The following RETREG1 variants were observed in gnomAD, a reference collection of about 807,000 sequenced individuals.
RETREG1 encodes reticulophagy regulator 1, also known as family with sequence similarity 134 member B.
A neutral mutation model predicts 54.8 loss-of-function variants in RETREG1; 44 were observed. The ratio of observed to expected loss-of-function variants is 0.80; its 90% CI spans 0.63 to 1.03. The LOEUF is 1.03. RETREG1 is among the 50% of genes least tolerant of loss of function. The pLI is 0.00. For missense variants in RETREG1, 554 were observed against 605.1 expected, an observed-to-expected ratio of 0.92 and a Z score of 0.89; for synonymous variants, 217 against 238.5, an observed-to-expected ratio of 0.91 and a Z score of 0.83.
intron 3 of RETREG1, among the ~76,000 whole-genome samples, chr5:16,505,936 T>C (rs1739935851): frequency 6.6e-6 from 1 of 152,234 alleles, no homozygotes; most frequent in South Asian, 2.1e-4. Flanking sequence ...CCCTCGTCTC[T>C]TGACCTTGGA....
At chr5:16,557,580 GA>G (rs1741743778) in intron 3 of RETREG1, among the ~76,000 whole-genome samples, 1 of 152,210 alleles carries the variant, frequency 6.6e-6, no homozygotes, top group Admixed American at 6.5e-5. Flanking sequence ...TTCGGAGAGA[GA>G]AAGAAAAGGG....
chr5:16,498,356 A>G (rs554903676), intron 3 of RETREG1, among the ~76,000 whole-genome samples: 49 of 152,346 alleles, frequency 3.2e-4, no homozygotes, highest in African/African-American at 1.2e-3. Context: ...ATTTTAACAC[A>G]ATGGTAAGTA....
At chr5:16,491,968 A>C (rs1449298742) in intron 3 of RETREG1, among the ~76,000 whole-genome samples, 1 of 152,142 alleles carries the variant, frequency 6.6e-6, no homozygotes, top group Admixed American at 6.5e-5. Context: ...GCAAAACTTG[A>C]GCCTTAATGT....
chr5:16,489,582 T>A (rs189186599), intron 3 of RETREG1, among the ~76,000 whole-genome samples: 83 of 152,378 alleles, frequency 5.4e-4, no homozygotes, highest in African/African-American at 2.0e-3. Flanking sequence ...AATCTTGGCA[T>A]AGAAGAAATA....
chr5:16,508,692 C>A (rs1740061599), intron 3 of RETREG1: 2 of 1,605,404 alleles, frequency 1.2e-6, no homozygotes, highest in Non-Finnish European at 8.5e-7. Context: ...ACAATAGTTT[C>A]TTTTCTACTC....
At chr5:16,595,974 T>C (rs1224619363) in intron 1 of RETREG1, among the ~76,000 whole-genome samples, 10 of 151,988 alleles carry the variant, frequency 6.6e-5, no homozygotes, top group African/African-American at 2.4e-4. Context: ...TTATTTTGCC[T>C]TCCTAAGTTT....
At chr5:16,576,286 TTC>T (rs1390311858) in intron 1 of RETREG1, among the ~76,000 whole-genome samples, 2 of 144,158 alleles carry the variant, frequency 1.4e-5, no homozygotes, top group Non-Finnish European at 3.0e-5. Flanking sequence ...ACAAGATTTT[TTC>T]TTTTTCTTTT....
intron 3 of RETREG1, among the ~76,000 whole-genome samples, chr5:16,542,454 T>C (rs895102423): frequency 6.6e-6 from 1 of 151,228 alleles, no homozygotes; most frequent in Non-Finnish European, 1.5e-5. Flanking sequence ...ATAGAACCTG[T>C]TTTCCTCCAA....
In RETREG1 at chr5:16,565,797, C is replaced by A; in HGVS notation, c.428-4G>T. 1 of 1,613,760 alleles carries A rather than the reference C, an allele frequency of 6.2e-7. No individual in the cohort carries two copies. Among genetic ancestry groups the A allele is most frequent in the Non-Finnish European group, 8.5e-7 (1 of 1,179,946 alleles). The stretch of plus-strand genomic sequence containing the variant: ...AGGCTTCTCCACAACTGTGCACCTG[C>A]AACAGGGAGAAGCAAAATGTGAAAC... On this transcript the variant is annotated splice_region_variant and splice_polypyrimidine_tract_variant and intron_variant, in intron 2 of 8. Transcript: ENST00000306320.
Position 16,594,340 on chromosome 5 carries a change from T to C in RETREG1, c.321-22238A>G, listed in dbSNP as rs1742845695. 6.6e-6 allele frequency among the ~76,000 whole-genome samples: 1 copy of C among 152,216 alleles called. No homozygotes were observed. Among genetic ancestry groups the C allele is most frequent in the African/African-American group, 2.4e-5 (1 of 41,448 alleles). ...ATTAGAATAGATTTTTAAATGTGAC[T>C]GAATGAAAATGAGCCAAACGTGAAA... On this transcript the variant is annotated intron_variant, in intron 1 of 8. Transcript: ENST00000306320. This position sits in a 1 kb window ranked among gnomAD's most constrained non-coding sequence, Gnocchi z 4.4.
chr5:16,544,151 CTT>C (rs1467703911), intron 3 of RETREG1, among the ~76,000 whole-genome samples: 3 of 151,638 alleles, frequency 2.0e-5, no homozygotes, highest in Admixed American at 6.6e-5. Context: ...AATTTTTGTA[CTT>C]TTAGTAGAGA....
chr5:16,495,232 C>G (rs775990811), intron 3 of RETREG1, among the ~76,000 whole-genome samples: 1 of 152,160 alleles, frequency 6.6e-6, no homozygotes, highest in Non-Finnish European at 1.5e-5. Context: ...AAAAGGAAAA[C>G]AGACCATAAA....
At chr5:16,604,430 T>C (rs1002638121) in intron 1 of RETREG1, among the ~76,000 whole-genome samples, 1 of 152,236 alleles carries the variant, frequency 6.6e-6, no homozygotes, top group African/African-American at 2.4e-5. Flanking sequence ...TCACTGCTAT[T>C]ATCAAGGATC....
intron 5 of RETREG1, among the ~76,000 whole-genome samples, chr5:16,479,650 C>A (rs1738685666): frequency 6.6e-6 from 1 of 152,032 alleles, no homozygotes; most frequent in Admixed American, 6.6e-5. Context: ...TGGATTTGAG[C>A]TCTGACCATT....
chr5:16,475,269 AC>A, intron 8 of RETREG1, 35 bp from the exon 9 acceptor site: 1 of 1,603,684 alleles, frequency 6.2e-7, no homozygotes, highest in Non-Finnish European at 8.5e-7. Flanking sequence ...AGACTGAAGC[AC>A]CATAACAAAT....
At chr5:16,562,696 A>G (rs967771413) in intron 3 of RETREG1, among the ~76,000 whole-genome samples, 1 of 152,238 alleles carries the variant, frequency 6.6e-6, no homozygotes, top group Non-Finnish European at 1.5e-5. Context: ...AATCATGAGA[A>G]AAACATCAGA....
chr5:16,545,814 T>C (rs956813522), intron 3 of RETREG1, among the ~76,000 whole-genome samples: 4 of 152,220 alleles, frequency 2.6e-5, no homozygotes, highest in African/African-American at 9.6e-5. Flanking sequence ...CTGTCTGTTG[T>C]CAGCACAGAA....
chr5:16,584,471 C>T (rs1268593586), intron 1 of RETREG1, among the ~76,000 whole-genome samples: 1 of 152,134 alleles, frequency 6.6e-6, no homozygotes, highest in African/African-American at 2.4e-5. Context: ...TTCTTAACAT[C>T]TCCTGGCTTT....
chr5:16,516,978 C>G (rs528059540), intron 3 of RETREG1, among the ~76,000 whole-genome samples: 1 of 152,042 alleles, frequency 6.6e-6, no homozygotes, highest in East Asian at 1.9e-4. Context: ...GATTTCTAAA[C>G]CGTATATGTG....
Sources: allele counts gnomAD v4.1 joint callset (sites outside exome capture counted in the v4.1 genomes callset), GRCh38; gene constraint gnomAD v4.1.1; non-coding constraint Gnocchi (gnomAD v3.1); transcripts MANE v1.5; gene names NCBI Gene and HGNC (gene_info 2026-07-23, HGNC 2026-07-21).